INVS: variants seen among roughly 807,000 people sequenced by gnomAD.
INVS encodes the protein inversin.
Under a neutral mutation model 108.8 loss-of-function variants are expected in INVS, and 86 were observed. That is an observed-to-expected ratio of 0.79 (90% CI 0.66 to 0.95). INVS has a LOEUF of 0.95. Ranked by LOEUF, INVS falls within the 40% of genes least tolerant of loss-of-function variation. INVS has a pLI of 0.00. For missense variants in INVS, 1,169 were observed against 1,297.4 expected, an observed-to-expected ratio of 0.90 and a Z score of 1.52; for synonymous variants, 455 against 473.5, an observed-to-expected ratio of 0.96 and a Z score of 0.51.
intron 3 of INVS, among the ~76,000 whole-genome samples, chr9:100,194,466 A>G (rs1221065534): frequency 6.6e-6 from 1 of 151,830 alleles, no homozygotes; most frequent in Non-Finnish European, 1.5e-5. Context: ...TTAGTCTCCT[A>G]CATAAACAAT....
intron 3 of INVS, among the ~76,000 whole-genome samples, chr9:100,156,903 C>T (rs914919299): frequency 4.7e-5 from 7 of 149,346 alleles, no homozygotes; most frequent in African/African-American, 1.5e-4. Flanking sequence ...CCTTATAAAC[C>T]ACTCAAACTA....
At position 100,226,181 on chromosome 9, in the gene INVS, A is replaced by G. The variant is rs776825894; in HGVS notation, c.393A>G (p.Ala131=). ...TTRHRSPKCL[A]LLLKFMAPGE... ...GGCACAGGAGCCCTAAGTGTTTGGC[A>G]CTTCTGCTGAAGTTTATGGCACCAG... is the stretch of plus-strand genomic sequence containing the variant. Residue 131 remains alanine, a synonymous_variant, in exon 4 of 17, where the codon GCA becomes GCG. Transcript: ENST00000262457. 4 of 1,614,044 alleles carry G rather than the reference A, an allele frequency of 2.5e-6. No individual in the cohort carries two copies. The highest frequency in any genetic ancestry group is 2.5e-6 in the Non-Finnish European group (3 of 1,179,994).
In INVS at chr9:100,296,896, CCT is replaced by C. The variant is rs1317434637; in HGVS notation, c.2787-17_2787-16del. The C allele has an allele frequency of 3.1e-6, 5 of 1,597,258 alleles. No homozygotes were observed. The highest frequency in any genetic ancestry group is 1.3e-5 in the African/African-American group (1 of 74,556). ...TCAGTACTGTGATCTTAAAGCCTCTCCTCTCCTCTGACCCAACCAGCTACCAG... is the reference window on the plus strand; with the variant it reads ...TCAGTACTGTGATCTTAAAGCCTCTCCTCCTCTGACCCAACCAGCTACCAG... On this transcript the variant is annotated intron_variant, in intron 14 of 16. Transcript: ENST00000262457.
At position 100,235,720 on chromosome 9, in the gene INVS, T is replaced by G. The variant is rs551355177; in HGVS notation, c.616-4340T>G. Among the ~76,000 whole-genome samples, 67 of 152,370 alleles carry G rather than the reference T, an allele frequency of 4.4e-4. No individual in the cohort carries two copies. In the East Asian group the frequency reaches 8.9e-3, roughly 20 times the overall value. On this transcript the variant is annotated intron_variant, in intron 5 of 16. Coordinates refer to ENST00000262457, the MANE Select transcript of INVS (RefSeq NM_014425.5). ...CCACTCTCTTCTGGCTTGTAGGGTT[T>G]CTGCAGAGAGATCTGCTGTTAAGTC...
In INVS at chr9:100,252,313, T is replaced by C. The variant is rs764227386; in HGVS notation, c.1109T>C (p.Val370Ala). ...ALHAAALSGH[V>A]STVKLLLENN... ...CATGCTGCTGCTCTTTCTGGCCATG[T>C]CAGCACCGTGAAGTTATTACTGGAA... Residue 370 changes from valine (V) to alanine (A), a missense_variant, in exon 9 of 17, where the codon GTC becomes GCC. Coordinates refer to ENST00000262457, the MANE Select transcript of INVS (RefSeq NM_014425.5). 2.4e-5 allele frequency: 39 copies of C among 1,613,994 alleles called. No homozygotes were observed. The highest frequency in any genetic ancestry group is 2.8e-5 in the Non-Finnish European group (33 of 1,179,974).
intron 2 of INVS, chr9:100,120,726 C>A (rs1318929155): frequency 2.0e-5 from 3 of 152,162 alleles, no homozygotes; most frequent in Non-Finnish European, 4.4e-5. Context: ...GGTGAACCTT[C>A]TGGTGGAGGG....
chr9:100,235,565 G>A (rs1366926513), intron 5 of INVS, among the ~76,000 whole-genome samples: 1 of 152,116 alleles, frequency 6.6e-6, no homozygotes, highest in Non-Finnish European at 1.5e-5. Context: ...GCCTGGTGGT[G>A]ACAAAAATCC....
intron 11 of INVS, among the ~76,000 whole-genome samples, chr9:100,269,933 A>G (rs1401477486): frequency 6.6e-6 from 1 of 152,166 alleles, no homozygotes; most frequent in Admixed American, 6.6e-5. Context: ...TTTCCTTTGG[A>G]CCAGGAACAT....
intron 3 of INVS, among the ~76,000 whole-genome samples, chr9:100,160,408 A>G (rs1829132988): frequency 6.6e-6 from 1 of 152,192 alleles, no homozygotes; most frequent in Non-Finnish European, 1.5e-5. Flanking sequence ...GAAATCCTGG[A>G]TGTCTAATTG....
chr9:100,214,226 T>A (rs899469761), intron 3 of INVS, among the ~76,000 whole-genome samples: 1 of 152,198 alleles, frequency 6.6e-6, no homozygotes, highest in Non-Finnish European at 1.5e-5. Flanking sequence ...TTTATACAGC[T>A]AGGATGTAAT....
At chr9:100,125,266 C>T (rs1210932446) in intron 2 of INVS, among the ~76,000 whole-genome samples, 1 of 152,176 alleles carries the variant, frequency 6.6e-6, no homozygotes, top group Non-Finnish European at 1.5e-5. Context: ...CCAACGGTCT[C>T]TATAGTGTCC....
At chr9:100,196,691 A>G (rs1233696933) in intron 3 of INVS, among the ~76,000 whole-genome samples, 1 of 148,024 alleles carries the variant, frequency 6.8e-6, no homozygotes, top group Non-Finnish European at 1.5e-5. Context: ...AAATTATTAT[A>G]AAATATTATA....
At chr9:100,241,436 T>C (rs1034054319) in intron 6 of INVS, among the ~76,000 whole-genome samples, 3 of 152,206 alleles carry the variant, frequency 2.0e-5, no homozygotes, top group African/African-American at 7.2e-5. Flanking sequence ...TTCATTTCAC[T>C]CTGTTTTCTT....
chr9:100,183,713 T>C lies in INVS; in HGVS notation c.274-42349T>C, dbSNP rs1588070405. On this transcript the variant is annotated intron_variant, in intron 3 of 16. Transcript: ENST00000262457. ...GGCTGAGGCATGAGAATTGCTTGAG[T>C]CCAGGAGGCAGAGGTTGCAGTGAGC... 2.1e-5 allele frequency among the ~76,000 whole-genome samples: 3 copies of C among 144,862 alleles called. No individual in the cohort carries two copies. In the South Asian group the frequency reaches 6.4e-4, roughly 31 times the overall value.
intron 2 of INVS, chr9:100,117,628 C>T (rs1166482094): frequency 1.6e-6 from 1 of 615,166 alleles, no homozygotes. Context: ...GCCCACCTCC[C>T]GCTGCACCGG....
chr9:100,143,680 G>A (rs1828505609), intron 3 of INVS, among the ~76,000 whole-genome samples: 1 of 152,138 alleles, frequency 6.6e-6, no homozygotes. Flanking sequence ...AGGGAACTGG[G>A]CAGGTGGGGA....
chr9:100,296,631 C>A (rs563138858), intron 14 of INVS, among the ~76,000 whole-genome samples: 24 of 152,200 alleles, frequency 1.6e-4, no homozygotes, highest in Admixed American at 3.3e-4. Flanking sequence ...TGCTCTTGCA[C>A]AGTACTCTCA....
At chr9:100,243,856 C>T (rs146454590) in intron 7 of INVS, among the ~76,000 whole-genome samples, 72 of 152,080 alleles carry the variant, frequency 4.7e-4, no homozygotes, top group Non-Finnish European at 9.4e-4. Context: ...ACTAAAAATA[C>T]AAAAATTAGC....
intron 1 of INVS, among the ~76,000 whole-genome samples, chr9:100,100,067 G>C (rs896709800): frequency 6.6e-6 from 1 of 152,054 alleles, no homozygotes; most frequent in Non-Finnish European, 1.5e-5. Context: ...AGTACCTCTA[G>C]TTTTGTACGG....
Sources: gnomAD v4.1 joint callset for allele counts (sites outside exome capture counted in the v4.1 genomes callset) on GRCh38, gnomAD v4.1.1 for gene constraint, MANE v1.5 for transcripts, NCBI Gene and HGNC (gene_info 2026-07-23, HGNC 2026-07-21) for gene names.